PCSK5: variants seen among roughly 807,000 people sequenced by gnomAD.
PCSK5 encodes prohormone convertase 5.
Under a neutral mutation model 233.2 loss-of-function variants are expected in PCSK5, and 129 were observed. That is an observed-to-expected ratio of 0.55 (90% confidence interval 0.48 to 0.64). The LOEUF (loss-of-function observed/expected upper bound fraction) is 0.64. Ranked by LOEUF, PCSK5 falls within the 30% of genes least tolerant of loss-of-function variation. The pLI, the probability that PCSK5 is intolerant of heterozygous loss-of-function variation, is 0.00. For missense variants in PCSK5, 2,076 were observed against 2,430.1 expected (o/e 0.85, Z 3.06); for synonymous variants, 825 against 879.2 (o/e 0.94, Z 1.09).
At chr9:76,042,866 C>T (rs1222263579) in intron 5 of PCSK5, among the ~76,000 whole-genome samples, 1 of 152,158 alleles carries the variant, frequency 6.6e-6, no homozygotes, top group Non-Finnish European at 1.5e-5. Context: ...ATCGCAACAG[C>T]CTGTAATTCC....
chr9:75,900,478 A>G (rs1825977983), intron 1 of PCSK5, among the ~76,000 whole-genome samples: 1 of 152,156 alleles, frequency 6.6e-6, no homozygotes, highest in African/African-American at 2.4e-5. Flanking sequence ...CAGGAGATCA[A>G]GACCAGCCTG....
Position 76,010,551 on chromosome 9 carries a change from G to A in PCSK5, c.412-13187G>A, listed in dbSNP as rs1827687044. On this transcript the variant is annotated intron_variant, in intron 3 of 37. Transcript: ENST00000674117. Reference sequence around the variant, plus strand: ...GTGGAAAGGGCTGCATTTTTCTGCTGTGTTGACTGAGCAGCTTTTTGGATC... The same window carrying A: ...GTGGAAAGGGCTGCATTTTTCTGCTATGTTGACTGAGCAGCTTTTTGGATC... Among the ~76,000 whole-genome samples, 7 of 152,186 alleles carry A rather than the reference G, an allele frequency of 4.6e-5. No individual in the cohort carries two copies. The South Asian group carries it at 1.4e-3, about 31-fold the overall frequency.
At chr9:75,942,400 C>T (rs916260111) in intron 2 of PCSK5, among the ~76,000 whole-genome samples, 6 of 152,218 alleles carry the variant, frequency 3.9e-5, no homozygotes, top group African/African-American at 1.4e-4. Flanking sequence ...GATCTCATCA[C>T]TTTGATGATT....
At chr9:75,977,199 A>G (rs944415862) in intron 2 of PCSK5, among the ~76,000 whole-genome samples, 3 of 152,180 alleles carry the variant, frequency 2.0e-5, no homozygotes, top group African/African-American at 7.2e-5. Context: ...GGATGGATAA[A>G]CATACATACA....
At chr9:76,308,427 T>G (rs1828769447) in intron 28 of PCSK5, among the ~76,000 whole-genome samples, 1 of 152,118 alleles carries the variant, frequency 6.6e-6, no homozygotes, top group Non-Finnish European at 1.5e-5. Flanking sequence ...GTATCTTTCT[T>G]GATAATCAAT....
At position 75,918,308 on chromosome 9, in the gene PCSK5, T is replaced by A. The variant is rs151297275; in HGVS notation, c.193-14071T>A. Among the ~76,000 whole-genome samples the A allele has an allele frequency of 1.5e-3, 232 of 152,352 alleles. 2 individuals carry two copies. The highest frequency in any genetic ancestry group is 5.2e-3 in the African/African-American group (216 of 41,582). ...GTTGAATGTTGCTTCATCAACACTC[T>A]TGGTGACCTCCTTCTCACCTCTTGG... On this transcript the variant is annotated intron_variant, in intron 1 of 37. Transcript: ENST00000674117.
chr9:76,280,570 C>A (rs750708164), intron 24 of PCSK5, among the ~76,000 whole-genome samples: 1 of 151,928 alleles, frequency 6.6e-6, no homozygotes, highest in Non-Finnish European at 1.5e-5. Context: ...GGGGAAAACC[C>A]GTCTCTACTA....
At position 76,181,536 on chromosome 9, in the gene PCSK5, T is replaced by C. The variant is rs146690735; in HGVS notation, c.2142T>C (p.Asn714=). 3.0e-5 allele frequency: 49 copies of C among 1,613,930 alleles called. No individual in the cohort carries two copies. The African/African-American group carries it at 6.1e-4, about 20-fold the overall frequency. ...CMSCKYGYFL[N]EETNSCVTHC... is the part of the protein sequence containing the mutation. ...CCTGCAAATATGGATACTTTCTGAATGAAGAAACCAACAGCTGTGTTACTC... is the reference window on the plus strand; with the variant it reads ...CCTGCAAATATGGATACTTTCTGAACGAAGAAACCAACAGCTGTGTTACTC... The change falls in exon 16 of 38, where the codon AAT becomes AAC. Residue 714 remains asparagine, a synonymous_variant. Coordinates refer to ENST00000674117, the MANE Select transcript of PCSK5 (RefSeq NM_001372043.1).
At chr9:76,142,511 C>T (rs919361539) in intron 10 of PCSK5, among the ~76,000 whole-genome samples, 1 of 151,722 alleles carries the variant, frequency 6.6e-6, no homozygotes, top group African/African-American at 2.4e-5. Context: ...TGGGGTGGAG[C>T]GAGCAAAGAA....
intron 5 of PCSK5, among the ~76,000 whole-genome samples, chr9:76,060,889 T>C (rs192985296): frequency 5.7e-4 from 87 of 152,314 alleles, no homozygotes; most frequent in African/African-American, 1.7e-3. Context: ...CTATAAATGG[T>C]CTTACTCTCT....
chr9:76,205,292 C>A (rs552188600), intron 20 of PCSK5: 12 of 518,020 alleles, frequency 2.3e-5, no homozygotes, highest in East Asian at 5.5e-5. Flanking sequence ...AGAATGAAGA[C>A]CCGCCTATGC....
At chr9:75,950,368 A>AT (rs1824800286) in intron 2 of PCSK5, among the ~76,000 whole-genome samples, 1 of 151,948 alleles carries the variant, frequency 6.6e-6, no homozygotes, top group Admixed American at 6.6e-5. Context: ...TGAACCTCAC[A>AT]TTTTTTCAAG....
At position 76,358,766 on chromosome 9, in the gene PCSK5, G is replaced by A. The variant is rs752128789; in HGVS notation, c.5508G>A (p.Glu1836=). ...GCTTTGAAGAGGATCAGGTGATTGAGTACAGGGATCGGGACTATGATGAGG... is the reference window on the plus strand; with the variant it reads ...GCTTTGAAGAGGATCAGGTGATTGAATACAGGGATCGGGACTATGATGAGG... The part of the protein sequence containing the change: ...STSFEEDQVI[E]YRDRDYDEDD... Residue 1836 remains glutamate (E), a synonymous_variant, in exon 38 of 38, where the codon GAG becomes GAA. Coordinates refer to ENST00000674117, the MANE Select transcript of PCSK5 (RefSeq NM_001372043.1). 11 of 1,612,946 alleles carry A rather than the reference G, an allele frequency of 6.8e-6. No individual in the cohort carries two copies.
chr9:76,148,153 C>T (rs1007157271), intron 10 of PCSK5, among the ~76,000 whole-genome samples: 6 of 151,608 alleles, frequency 4.0e-5, no homozygotes, highest in South Asian at 2.1e-4. Flanking sequence ...CTTGCCAAAT[C>T]GGAAGACCTA....
At chr9:76,099,729 G>A (rs1424041484) in intron 8 of PCSK5, among the ~76,000 whole-genome samples, 3 of 152,068 alleles carry the variant, frequency 2.0e-5, no homozygotes, top group Non-Finnish European at 4.4e-5. Context: ...GAACCCAGAC[G>A]CCTTTGGTCC....
At chr9:76,324,013 C>T (rs890610546) in intron 32 of PCSK5, among the ~76,000 whole-genome samples, 9 of 150,800 alleles carry the variant, frequency 6.0e-5, no homozygotes, top group Non-Finnish European at 1.2e-4. Context: ...ATAACCTCTG[C>T]CTCCTGGGTT....
intron 21 of PCSK5, 27 bp downstream of exon 21, chr9:76,227,632 T>C (rs1825940466): frequency 7.0e-7 from 1 of 1,430,010 alleles, no homozygotes; most frequent in Admixed American, 1.7e-5. Context: ...GATCTCCCGG[T>C]GGTGTGAGCT....
chr9:76,329,111 G>C (rs530970478), intron 33 of PCSK5, among the ~76,000 whole-genome samples: 1 of 151,096 alleles, frequency 6.6e-6, no homozygotes, highest in Non-Finnish European at 1.5e-5. Context: ...GAGCCACTGC[G>C]CCCGGCCACT....
At chr9:76,070,024 G>A (rs1218085888) in intron 6 of PCSK5, among the ~76,000 whole-genome samples, 3 of 136,624 alleles carry the variant, frequency 2.2e-5, no homozygotes, top group Non-Finnish European at 3.1e-5. Context: ...TTTTTTAGAC[G>A]GAGTCTCGCT....
Sources: allele counts gnomAD v4.1 joint callset (sites outside exome capture counted in the v4.1 genomes callset), GRCh38; gene constraint gnomAD v4.1.1; transcripts MANE v1.5; gene names NCBI Gene and HGNC (gene_info 2026-07-23, HGNC 2026-07-21).